The following ADGRB1 variants were observed in gnomAD, a reference collection of about 807,000 sequenced individuals.
ADGRB1 encodes the protein brain-specific angiogenesis inhibitor 1.
ADGRB1 carries 36 observed loss-of-function variants against 175.7 expected under a neutral mutation model. The ratio of observed to expected loss-of-function variants is 0.20; its 90% CI spans 0.16 to 0.27. The LOEUF is 0.27. Among genes scored for constraint, ADGRB1 ranks in the 10% least tolerant of loss-of-function variants. The pLI is 1.00. For missense variants in ADGRB1, 1,731 were observed against 2,255.3 expected, an observed-to-expected ratio of 0.77 and a Z score of 4.71; for synonymous variants, 1,054 against 979.4, an observed-to-expected ratio of 1.08 and a Z score of -1.42.
At position 142,542,175 on chromosome 8, in the gene ADGRB1, C is replaced by T. The variant is rs201458837; in HGVS notation, c.3941C>T (p.Ala1314Val). The change falls in exon 28 of 31, where the codon GCG becomes GTG. Residue 1314 changes from alanine to valine, a missense_variant. Physicochemically the swap from Ala to Val is moderately conservative, Grantham distance 64. Coordinates refer to ENST00000517894, the MANE Select transcript of ADGRB1 (RefSeq NM_001702.3). The surrounding 1 kb of genome is among the most constrained non-coding windows in gnomAD (Gnocchi z 6.3). The part of the protein sequence containing the change: ...NHSLTLKRDK[A>V]PKSSFVGDGD... ...TCACTGACCCTCAAGAGGGACAAGG[C>T]GCCCAAGTCCTCCTTCGTCGGTGAC... The T allele has an allele frequency of 8.2e-4, 1,327 of 1,613,564 alleles. 4 individuals carry two copies. The highest frequency in any genetic ancestry group is 4.7e-4 in the Non-Finnish European group (557 of 1,179,828).
chr8:142,489,553 G>A (rs1170996751), intron 16 of ADGRB1, 115 bp downstream of exon 16: 9 of 1,167,544 alleles, frequency 7.7e-6, no homozygotes, highest in African/African-American at 1.5e-5. Context: ...TTTAACCTTC[G>A]AGAGCTACTT....
At chr8:142,531,433 G>A (rs1587427678) in intron 24 of ADGRB1, among the ~76,000 whole-genome samples, 1 of 152,210 alleles carries the variant, frequency 6.6e-6, no homozygotes, top group African/African-American at 2.4e-5. Flanking sequence ...CTCTCCGGAC[G>A]CCTGAGTTCC....
chr8:142,480,068 A>G (rs1841247288), intron 9 of ADGRB1, among the ~76,000 whole-genome samples: 1 of 152,166 alleles, frequency 6.6e-6, no homozygotes, highest in Non-Finnish European at 1.5e-5. Context: ...AGCCGCCACC[A>G]TTTACAGCTG....
At chr8:142,466,991 C>T (rs1840314521) in intron 2 of ADGRB1, among the ~76,000 whole-genome samples, 1 of 152,240 alleles carries the variant, frequency 6.6e-6, no homozygotes, top group Non-Finnish European at 1.5e-5. Context: ...TTAGCAGCAT[C>T]AGGGGGCAGC....
At chr8:142,529,596 GTA>G (rs1051852697) in intron 24 of ADGRB1, among the ~76,000 whole-genome samples, 11 of 149,326 alleles carry the variant, frequency 7.4e-5, no homozygotes, top group African/African-American at 1.2e-4. Flanking sequence ...GAGCGTGCAT[GTA>G]TGTGTGTGAG....
intron 2 of ADGRB1, among the ~76,000 whole-genome samples, chr8:142,471,464 T>C (rs1430314382): frequency 6.6e-6 from 1 of 152,198 alleles, no homozygotes; most frequent in East Asian, 1.9e-4. Flanking sequence ...GGCCCTGGGC[T>C]TTCAGGCTTG....
chr8:142,464,429 G>A lies in ADGRB1; in HGVS notation c.231G>A (p.Pro77=), dbSNP rs1385736606. ...RCSWTLRNPD[P]RRYTLYMKVA... ...CCTGGACGCTACGCAACCCGGACCC[G>A]CGGCGCTACACTCTCTACATGAAGG... is the stretch of plus-strand genomic sequence containing the variant. The change falls in exon 2 of 31, where the codon CCG becomes CCA. Residue 77 remains proline, a synonymous_variant. Coordinates refer to ENST00000517894, the MANE Select transcript of ADGRB1 (RefSeq NM_001702.3). 5 of 1,559,816 alleles carry A rather than the reference G, an allele frequency of 3.2e-6. No homozygotes were observed. The African/African-American group carries it at 6.9e-5, about 22-fold the overall frequency.
Position 142,477,241 on chromosome 8 carries a change from C to G in ADGRB1, c.1185C>G (p.Arg395=). The part of the protein sequence containing the change: ...SYSTQCSGPL[R]EQRLCNNSAV... Reference sequence around the variant, plus strand: ...GCACGCAGTGCAGCGGACCCCTGCGCGAGCAGCGGCTGTGCAACAACTCTG... The same window carrying G: ...GCACGCAGTGCAGCGGACCCCTGCGGGAGCAGCGGCTGTGCAACAACTCTG... Residue 395 remains arginine, a synonymous_variant, in exon 5 of 31, where the codon CGC becomes CGG. Transcript: ENST00000517894. 1.3e-6 allele frequency: 2 copies of G among 1,593,754 alleles called. No individual in the cohort carries two copies. The highest frequency in any genetic ancestry group is 1.1e-5 in the South Asian group (1 of 90,556).
chr8:142,523,738 G>T (rs868651122), intron 22 of ADGRB1, among the ~76,000 whole-genome samples: 25 of 148,808 alleles, frequency 1.7e-4, no homozygotes, highest in Admixed American at 2.7e-4. Context: ...CACCACAGGT[G>T]GTGTCCAGAG....
intron 24 of ADGRB1, among the ~76,000 whole-genome samples, chr8:142,529,073 G>A (rs1040137173): frequency 1.3e-5 from 2 of 152,262 alleles, no homozygotes; most frequent in Non-Finnish European, 2.9e-5. Flanking sequence ...CTGGGCAGGG[G>A]TCTGCACCCA....
chr8:142,490,864 T>A, intron 17 of ADGRB1, 49 bp downstream of exon 17: 1 of 1,549,180 alleles, frequency 6.5e-7, no homozygotes, highest in Non-Finnish European at 8.7e-7. Flanking sequence ...GTGGGGTTCG[T>A]GGGAGGCTGG....
chr8:142,535,620 G>A (rs1404762221), intron 25 of ADGRB1, among the ~76,000 whole-genome samples: 1 of 152,184 alleles, frequency 6.6e-6, no homozygotes, highest in African/African-American at 2.4e-5. Context: ...TGTGGCCTGG[G>A]ACACTCCTGC....
chr8:142,482,487 C>T, intron 11 of ADGRB1, among the ~76,000 whole-genome samples: 1 of 150,802 alleles, frequency 6.6e-6, no homozygotes, highest in East Asian at 2.0e-4. Context: ...ATCCTGGTCA[C>T]ACGCTGAGCC....
At chr8:142,539,076 A>C (rs201238568) in intron 26 of ADGRB1, among the ~76,000 whole-genome samples, 1 of 152,190 alleles carries the variant, frequency 6.6e-6, no homozygotes, top group East Asian at 1.9e-4. Flanking sequence ...TCACATTTAC[A>C]AACACCTGAA....
At chr8:142,452,717 G>A (rs1372949106) in intron 1 of ADGRB1, among the ~76,000 whole-genome samples, 1 of 152,144 alleles carries the variant, frequency 6.6e-6, no homozygotes, top group Non-Finnish European at 1.5e-5. Flanking sequence ...CCCCAGGGAG[G>A]GCCTAGCAAG....
Position 142,475,513 on chromosome 8 carries a change from G to T in ADGRB1, c.824G>T (p.Arg275Leu). The change falls in exon 3 of 31, where the codon CGG (arginine) becomes CTG (leucine). Residue 275 changes from arginine to leucine, a missense_variant. Around this residue, in one of 8 missense-constraint regions of ADGRB1, gnomAD observed 178 missense variants for 227.8 expected, o/e 0.78. Coordinates refer to ENST00000517894, the MANE Select transcript of ADGRB1 (RefSeq NM_001702.3). ...KLWSLWGECTRDCGGGLQTRT... is the reference protein window; with the variant it reads ...KLWSLWGECTLDCGGGLQTRT... ...TGGTCCCTGTGGGGCGAATGCACGC[G>T]GGACTGCGGGGGAGGCCTCCAGACG... The T allele has an allele frequency of 7.7e-7, 1 of 1,294,354 alleles. No homozygotes were observed. The allele number at this position is 1,294,354 out of a possible 1,614,324, so 80.2% of individuals were successfully genotyped here.
At chr8:142,456,096 G>A (rs1839660249) in intron 1 of ADGRB1, among the ~76,000 whole-genome samples, 1 of 152,084 alleles carries the variant, frequency 6.6e-6, no homozygotes, top group African/African-American at 2.4e-5. Context: ...AAAGGAATGC[G>A]ATTCAGGGAG....
intron 21 of ADGRB1, 140 bp from the exon 22 acceptor site, chr8:142,522,501 T>C: frequency 1.2e-6 from 1 of 836,642 alleles, no homozygotes; most frequent in Non-Finnish European, 1.8e-6. Context: ...TCCTGCCCCA[T>C]CTCTTGCTCA....
rs1374943398 is a variant in ADGRB1 at position 142,510,229 on chromosome 8, C to T, written c.2676-703C>T. Among the ~76,000 whole-genome samples the T allele has an allele frequency of 6.6e-6, 1 of 152,124 alleles. No homozygotes were observed. The highest frequency in any genetic ancestry group is 2.4e-5 in the African/African-American group (1 of 41,442). On this transcript the variant is annotated intron_variant, in intron 17 of 30. Transcript: ENST00000517894. The surrounding 1 kb of genome is among the most constrained non-coding windows in gnomAD (Gnocchi z 6.3). Reference sequence around the variant, plus strand: ...ATGCGTGCTCAGATGAAAAGCGGGGCAGTCGCGGCCCGTAGACAGCGGGCG... The same window carrying T: ...ATGCGTGCTCAGATGAAAAGCGGGGTAGTCGCGGCCCGTAGACAGCGGGCG...
Sources: allele counts gnomAD v4.1 joint callset (sites outside exome capture counted in the v4.1 genomes callset), GRCh38; gene constraint gnomAD v4.1.1; regional missense constraint gnomAD v4.1.1; non-coding constraint Gnocchi (gnomAD v3.1); transcripts MANE v1.5; gene names NCBI Gene and HGNC (gene_info 2026-07-23, HGNC 2026-07-21).